Variants in RABGAP1L observed in about 807,000 individuals in gnomAD.
RABGAP1L encodes the protein rab GTPase-activating protein 1-like.
A neutral mutation model predicts 137.7 loss-of-function variants in RABGAP1L; 63 were observed. The ratio of observed to expected loss-of-function variants is 0.46; its 90% CI spans 0.37 to 0.56. The LOEUF (loss-of-function observed/expected upper bound fraction) is 0.56, where lower values mean the gene tolerates loss of function less well. Among genes scored for constraint, RABGAP1L ranks in the 20% least tolerant of loss-of-function variants. The pLI, the probability that RABGAP1L is intolerant of heterozygous loss-of-function variation, is 0.00. For missense variants in RABGAP1L, 1,095 were observed against 1,244.0 expected (o/e 0.88, Z 1.80); for synonymous variants, 431 against 433.7 (o/e 0.99, Z 0.08).
intron 25 of RABGAP1L, among the ~76,000 whole-genome samples, chr1:174,989,206 C>T (rs1671864807): frequency 6.6e-6 from 1 of 152,242 alleles, no homozygotes. Flanking sequence ...CTGAGAGTCA[C>T]ACATTGGCTG....
At chr1:174,461,057 C>T (rs1656633497) in intron 13 of RABGAP1L, among the ~76,000 whole-genome samples, 1 of 152,152 alleles carries the variant, frequency 6.6e-6, no homozygotes, top group Non-Finnish European at 1.5e-5. Context: ...GTGCTGTTCT[C>T]CCATTATTAC....
At chr1:174,769,020 G>C (rs567314730) in intron 18 of RABGAP1L, among the ~76,000 whole-genome samples, 2 of 151,686 alleles carry the variant, frequency 1.3e-5, no homozygotes, top group African/African-American at 4.8e-5. Flanking sequence ...GATTACTACT[G>C]TCACCACCAT....
chr1:174,432,204 A>G (rs964299497), intron 13 of RABGAP1L, among the ~76,000 whole-genome samples: 6 of 152,136 alleles, frequency 3.9e-5, no homozygotes, highest in Admixed American at 3.3e-4. Flanking sequence ...AAGTGAGAAC[A>G]TGGGTTTTTG....
chr1:174,444,302 G>T (rs867465929), intron 13 of RABGAP1L, among the ~76,000 whole-genome samples: 1 of 151,720 alleles, frequency 6.6e-6, no homozygotes, highest in Non-Finnish European at 1.5e-5. Context: ...TCCAATCCAT[G>T]AACATGGCAT....
intron 13 of RABGAP1L, among the ~76,000 whole-genome samples, chr1:174,551,142 G>A (rs1666516142): frequency 6.7e-6 from 1 of 149,808 alleles, no homozygotes; most frequent in Non-Finnish European, 1.5e-5. Context: ...CTGGGAGGCT[G>A]AGGTTGCAGT....
At chr1:174,884,563 A>G (rs1010265372) in intron 19 of RABGAP1L, among the ~76,000 whole-genome samples, 2 of 152,226 alleles carry the variant, frequency 1.3e-5, no homozygotes, top group African/African-American at 4.8e-5. Flanking sequence ...GTTCAGTTCA[A>G]GCATCCAACC....
At chr1:174,802,821 G>T (rs1688878917) in intron 18 of RABGAP1L, among the ~76,000 whole-genome samples, 1 of 152,208 alleles carries the variant, frequency 6.6e-6, no homozygotes, top group Non-Finnish European at 1.5e-5. Flanking sequence ...GTACCAGGGG[G>T]AAATTGTTCA....
chr1:174,612,841 C>T (rs996825952), intron 13 of RABGAP1L, among the ~76,000 whole-genome samples: 78 of 152,216 alleles, frequency 5.1e-4, no homozygotes, highest in African/African-American at 1.4e-3. Flanking sequence ...AGTTTATTTG[C>T]GTAGAGGTAT....
intron 13 of RABGAP1L, among the ~76,000 whole-genome samples, chr1:174,565,861 C>G (rs899753493): frequency 2.0e-5 from 3 of 150,284 alleles, no homozygotes; most frequent in Non-Finnish European, 3.0e-5. Flanking sequence ...CTCAGTGATA[C>G]TTACAGTTGG....
chr1:174,626,425 C>A (rs1486821289), intron 13 of RABGAP1L, among the ~76,000 whole-genome samples: 1 of 152,150 alleles, frequency 6.6e-6, no homozygotes, highest in Non-Finnish European at 1.5e-5. Context: ...TCTCGAAATA[C>A]GCTTCGTCCT....
rs1666641183 is a variant in RABGAP1L, at chr1:174,552,823, C to T, written c.1711-84552C>T. ...CACACTATCTTCTACAATGGTGGAA[C>T]TAATTTACACTCCCATCAACAGTGT... On this transcript the variant is annotated intron_variant, in intron 13 of 25. Coordinates refer to ENST00000681986, the MANE Select transcript of RABGAP1L (RefSeq NM_001366446.1). 3.3e-5 allele frequency among the ~76,000 whole-genome samples: 5 copies of T among 152,172 alleles called. No individual in the cohort carries two copies. The South Asian group carries it at 1.0e-3, about 31-fold the overall frequency.
chr1:174,734,250 T>C (rs1227303696), intron 17 of RABGAP1L, among the ~76,000 whole-genome samples: 2 of 152,026 alleles, frequency 1.3e-5, no homozygotes, highest in South Asian at 2.1e-4. Context: ...GAGTTATTAG[T>C]GTATGCTATG....
intron 19 of RABGAP1L, among the ~76,000 whole-genome samples, chr1:174,856,134 C>T (rs980876395): frequency 9.2e-5 from 14 of 152,292 alleles, no homozygotes; most frequent in South Asian, 2.1e-4. Flanking sequence ...CAGTGGCTCA[C>T]GCCTGTAATC....
chr1:174,893,021 C>A, intron 19 of RABGAP1L: 1 of 247,700 alleles, frequency 4.0e-6, no homozygotes, highest in Non-Finnish European at 8.2e-6. Context: ...GCTGGGGTTA[C>A]AGGCATGAGC....
chr1:174,690,516 G>A (rs1678795086), intron 15 of RABGAP1L, among the ~76,000 whole-genome samples: 1 of 152,006 alleles, frequency 6.6e-6, no homozygotes, highest in South Asian at 2.1e-4. Context: ...GTCTAATAAT[G>A]GTAACTGTTG....
chr1:174,902,310 G>A (rs1027958220), intron 19 of RABGAP1L, among the ~76,000 whole-genome samples: 6 of 152,184 alleles, frequency 3.9e-5, no homozygotes, highest in Non-Finnish European at 8.8e-5. Context: ...AACCATAGAG[G>A]TGGTGGCTGC....
chr1:174,597,607 A>G (rs1202677383), intron 13 of RABGAP1L, among the ~76,000 whole-genome samples: 2 of 150,766 alleles, frequency 1.3e-5, no homozygotes, highest in East Asian at 3.9e-4. Flanking sequence ...TTTTTTTCTT[A>G]ATCTTCCTAC....
At chr1:174,914,114 G>A (rs1337863788) in intron 19 of RABGAP1L, among the ~76,000 whole-genome samples, 1 of 152,138 alleles carries the variant, frequency 6.6e-6, no homozygotes, top group Non-Finnish European at 1.5e-5. Context: ...GTTAAGGGAT[G>A]AACTCCATTC....
intron 4 of RABGAP1L, among the ~76,000 whole-genome samples, chr1:174,239,878 G>C (rs974514309): frequency 2.6e-5 from 4 of 152,148 alleles, no homozygotes; most frequent in African/African-American, 9.7e-5. Flanking sequence ...CTAAAGTTTA[G>C]AATGTGGGAA....
Sources: gnomAD v4.1 joint callset for allele counts (sites outside exome capture counted in the v4.1 genomes callset) on GRCh38, gnomAD v4.1.1 for gene constraint, MANE v1.5 for transcripts, NCBI Gene and HGNC (gene_info 2026-07-23, HGNC 2026-07-21) for gene names.